RIN2: variants seen among roughly 807,000 people sequenced by gnomAD.
RIN2 encodes the protein RAB5 interacting protein 2.
Under a neutral mutation model 78.0 loss-of-function variants are expected in RIN2, and 36 were observed. That is an observed-to-expected ratio of 0.46 (90% CI 0.35 to 0.61). RIN2 has a LOEUF of 0.61. Ranked by LOEUF, RIN2 falls within the 20% of genes least tolerant of loss-of-function variation. The pLI, the probability that RIN2 is intolerant of heterozygous loss-of-function variation, is 0.00. For missense variants in RIN2, 1,087 were observed against 1,159.7 expected (o/e 0.94, Z 0.91); for synonymous variants, 466 against 466.8 (o/e 1.00, Z 0.02).
intron 4 of RIN2, among the ~76,000 whole-genome samples, chr20:19,937,958 G>A (rs188877395): frequency 1.4e-3 from 215 of 152,332 alleles, no homozygotes; most frequent in African/African-American, 5.1e-3. Context: ...AAGTGAAGAT[G>A]TCAGTTTTTG....
chr20:19,861,554 C>CTGATCACCCTCCATATCTGA (rs1568551614), intron 2 of RIN2, among the ~76,000 whole-genome samples: 1 of 151,248 alleles, frequency 6.6e-6, no homozygotes, highest in Non-Finnish European at 1.5e-5. Flanking sequence ...CCCTCCTTAT[C>CTGATCACCCTCCATATCTGA]TGATCACCCT....
At chr20:19,769,529 A>T (rs890727393) in intron 1 of RIN2, among the ~76,000 whole-genome samples, 1 of 152,240 alleles carries the variant, frequency 6.6e-6, no homozygotes, top group Non-Finnish European at 1.5e-5. Context: ...TAGGTTGCAC[A>T]AGCCCTGCCA....
chr20:19,907,973 C>T (rs1697904253), intron 3 of RIN2, among the ~76,000 whole-genome samples: 1 of 152,136 alleles, frequency 6.6e-6, no homozygotes, highest in Non-Finnish European at 1.5e-5. Context: ...ACAATGCCAG[C>T]CATCAAGAAG....
chr20:19,850,238 C>T (rs936754837), intron 2 of RIN2, among the ~76,000 whole-genome samples: 4 of 152,296 alleles, frequency 2.6e-5, no homozygotes, highest in Middle Eastern at 3.4e-3. Flanking sequence ...TTTTAACCTC[C>T]CTTACATTTC....
Position 19,915,156 on chromosome 20 carries a change from C to T in RIN2, c.58-19943C>T, listed in dbSNP as rs567429288. On this transcript the variant is annotated intron_variant, in intron 3 of 12. Transcript: ENST00000255006. The stretch of plus-strand genomic sequence containing the variant: ...TTCCTCCAGTAGCAGAGACAGAATA[C>T]GAATGCAAGTAGTCTATTCTGTGTT... Among the ~76,000 whole-genome samples, 5 of 152,200 alleles carry T rather than the reference C, an allele frequency of 3.3e-5. No homozygotes were observed. The South Asian group carries it at 6.2e-4, about 19-fold the overall frequency.
chr20:19,834,892 C>A (rs1344565807), intron 2 of RIN2, among the ~76,000 whole-genome samples: 1 of 149,994 alleles, frequency 6.7e-6, no homozygotes, highest in Non-Finnish European at 1.5e-5. Flanking sequence ...TGCAATAAGC[C>A]AAGAGCAAGC....
At chr20:19,803,344 C>T (rs931742999) in intron 2 of RIN2, among the ~76,000 whole-genome samples, 11 of 152,174 alleles carry the variant, frequency 7.2e-5, no homozygotes, top group Non-Finnish European at 1.2e-4. Context: ...TAAAACTATA[C>T]TACAAGGCTA....
chr20:19,869,038 C>T (rs1431688451), intron 2 of RIN2, among the ~76,000 whole-genome samples: 5 of 145,600 alleles, frequency 3.4e-5, no homozygotes, highest in African/African-American at 1.3e-4. Flanking sequence ...GCCGAGATCA[C>T]GCCACTGCAC....
chr20:19,868,298 G>A (rs1296478381), intron 2 of RIN2, among the ~76,000 whole-genome samples: 2 of 152,248 alleles, frequency 1.3e-5, no homozygotes, highest in African/African-American at 2.4e-5. Context: ...TGGGACATAC[G>A]CGCTTTCCAC....
intron 2 of RIN2, among the ~76,000 whole-genome samples, chr20:19,800,752 A>T (rs1264337453): frequency 6.6e-6 from 1 of 152,252 alleles, no homozygotes; most frequent in Admixed American, 6.5e-5. Context: ...TAGCAGATTC[A>T]TGAGCAAAAT....
chr20:19,940,557 A>G (rs1403366575), intron 4 of RIN2, among the ~76,000 whole-genome samples: 1 of 152,122 alleles, frequency 6.6e-6, no homozygotes, highest in Admixed American at 6.5e-5. Flanking sequence ...GCCTCTGCTG[A>G]TCTACCAAAT....
chr20:19,764,651 C>T (rs1056388914), intron 1 of RIN2, among the ~76,000 whole-genome samples: 7 of 152,220 alleles, frequency 4.6e-5, no homozygotes, highest in South Asian at 2.1e-4. Flanking sequence ...GGCTCTTCTG[C>T]ATAGAAAACC....
At chr20:19,978,754 C>A (rs1167830743) in intron 9 of RIN2, among the ~76,000 whole-genome samples, 1 of 152,188 alleles carries the variant, frequency 6.6e-6, no homozygotes, top group East Asian at 1.9e-4. Flanking sequence ...GCTCTCTATT[C>A]ATTCCAGGCC....
In RIN2 at chr20:19,929,868, A is replaced by G. The variant is rs1441234417; in HGVS notation, c.58-5231A>G. ...AAAAACAACTTCAAAAAAACACCCA[A>G]AATCCCTTCAGTGGGACAAAATCCA... On this transcript the variant is annotated intron_variant, in intron 3 of 12. Transcript: ENST00000255006. Among the ~76,000 whole-genome samples the G allele has an allele frequency of 2.0e-5, 3 of 152,326 alleles. No homozygotes were observed. In the East Asian group the frequency reaches 5.8e-4, roughly 29 times the overall value.
At chr20:19,969,837 T>G (rs1568678784) in intron 7 of RIN2, among the ~76,000 whole-genome samples, 2 of 152,266 alleles carry the variant, frequency 1.3e-5, no homozygotes, top group African/African-American at 4.8e-5. Flanking sequence ...ATTCATTCAT[T>G]CAAGTACTTC....
intron 2 of RIN2, among the ~76,000 whole-genome samples, chr20:19,830,853 C>A (rs1328031814): frequency 6.6e-6 from 1 of 152,192 alleles, no homozygotes; most frequent in Admixed American, 6.5e-5. Flanking sequence ...CCACATCCAG[C>A]GATGACTGAT....
rs2043156362 is a variant in RIN2 at position 20,002,137 on chromosome 20, A to G, written c.*1201A>G. ...AATTTGAAAATGCACAAAAAAATCA[A>G]TCTACATTATCAGAACCTGCAGTGA... is the stretch of plus-strand genomic sequence containing the variant. On this transcript the variant is annotated 3_prime_UTR_variant, in exon 13 of 13. Coordinates refer to ENST00000255006, the MANE Select transcript of RIN2 (RefSeq NM_018993.4). 2 of 152,254 alleles carry G rather than the reference A, an allele frequency of 1.3e-5. No individual in the cohort carries two copies. Among genetic ancestry groups the G allele is most frequent in the Admixed American group, 1.3e-4 (2 of 15,280 alleles). 9.4% of individuals were successfully genotyped at this position (152,254 alleles called of 1,614,324 possible). A position where few individuals can be genotyped will look rare whatever the true frequency, so the allele number is the denominator to read the frequency against.
chr20:19,816,638 C>A (rs893843072), intron 2 of RIN2, among the ~76,000 whole-genome samples: 1 of 152,110 alleles, frequency 6.6e-6, no homozygotes, highest in African/African-American at 2.4e-5. Context: ...ACAGTGCACC[C>A]GGGTAGAAGT....
rs771010700 is a variant in RIN2 at position 20,000,898 on chromosome 20, A to G, written c.2650A>G (p.Ile884Val). The change falls in exon 13 of 13, where the codon ATT becomes GTT. Residue 884 changes from isoleucine to valine, a missense_variant. Around this residue, in one of 8 missense-constraint regions of RIN2, gnomAD observed 160 missense variants for 179.4 expected, o/e 0.89. Coordinates refer to ENST00000255006, the MANE Select transcript of RIN2 (RefSeq NM_018993.4). The part of the protein sequence containing the change: ...KRIKNDPYGI[I>V]FQNGEEDLTT... ...CATCAAGAACGATCCTTATGGCATC[A>G]TTTTCCAGAACGGGGAAGAAGACCT... is the stretch of plus-strand genomic sequence containing the variant. The G allele has an allele frequency of 5.0e-6, 8 of 1,613,234 alleles. No individual in the cohort carries two copies. The highest frequency in any genetic ancestry group is 1.3e-5 in the African/African-American group (1 of 74,922).
Sources: allele counts gnomAD v4.1 joint callset (sites outside exome capture counted in the v4.1 genomes callset), GRCh38; gene constraint gnomAD v4.1.1; regional missense constraint gnomAD v4.1.1; transcripts MANE v1.5; gene names NCBI Gene and HGNC (gene_info 2026-07-23, HGNC 2026-07-21).